Variants in KIRREL3 observed in about 807,000 individuals in gnomAD.
KIRREL3 encodes the protein kirre like nephrin family adhesion molecule 3, also known as kin of IRRE-like protein 3.
In KIRREL3, 36 loss-of-function variants were observed where a neutral mutation model predicts 89.7. The ratio of observed to expected loss-of-function variants is 0.40; its 90% CI spans 0.31 to 0.53. The LOEUF is 0.53. Among genes scored for constraint, KIRREL3 ranks in the 20% least tolerant of loss-of-function variants. The probability of loss-of-function intolerance (pLI) is 0.49; values close to 1 mark genes in which losing one functional copy is unlikely to be tolerated. For synonymous variants in KIRREL3, 445 were observed against 441.4 expected (o/e 1.01, Z -0.10); for missense variants, 864 against 1,056.6 (o/e 0.82, Z 2.53).
chr11:126,536,614 G>A (rs1436788142), intron 2 of KIRREL3, among the ~76,000 whole-genome samples: 3 of 148,684 alleles, frequency 2.0e-5, no homozygotes, highest in African/African-American at 7.5e-5. Flanking sequence ...CGGGGGTGCT[G>A]AGTATCCCCT....
chr11:126,590,212 A>T (rs963841705), intron 1 of KIRREL3, among the ~76,000 whole-genome samples: 1 of 152,168 alleles, frequency 6.6e-6, no homozygotes, highest in Non-Finnish European at 1.5e-5. Context: ...ACCCCCTTTC[A>T]AATTGATTTC....
chr11:126,923,761 A>G (rs1947577317), intron 1 of KIRREL3, among the ~76,000 whole-genome samples: 1 of 152,012 alleles, frequency 6.6e-6, no homozygotes, highest in African/African-American at 2.4e-5. Context: ...TTCTTACGTG[A>G]TGGTCTATCT....
At chr11:126,577,636 C>A (rs375927071) in intron 1 of KIRREL3, among the ~76,000 whole-genome samples, 2 of 149,094 alleles carry the variant, frequency 1.3e-5, no homozygotes, top group East Asian at 3.9e-4. Flanking sequence ...GTGGCAGGTG[C>A]CTGTAACCCC....
intron 1 of KIRREL3, among the ~76,000 whole-genome samples, chr11:126,725,444 C>T (rs1057072938): frequency 1.3e-5 from 2 of 152,216 alleles, no homozygotes; most frequent in African/African-American, 2.4e-5. Context: ...GTGCTAACAC[C>T]CGCATGGGCA....
chr11:126,775,395 G>A (rs1450754832), intron 1 of KIRREL3, among the ~76,000 whole-genome samples: 3 of 152,188 alleles, frequency 2.0e-5, no homozygotes, highest in Non-Finnish European at 4.4e-5. Context: ...TTTTGCGGAG[G>A]AGATGCAGGC....
chr11:126,660,116 C>T (rs942204695), intron 1 of KIRREL3, among the ~76,000 whole-genome samples: 7 of 152,174 alleles, frequency 4.6e-5, no homozygotes, highest in South Asian at 4.1e-4. Flanking sequence ...GGGCACCAGC[C>T]GATGCCAGGG....
chr11:126,735,016 CG>C (rs1257789630), intron 1 of KIRREL3, among the ~76,000 whole-genome samples: 1 of 152,134 alleles, frequency 6.6e-6, no homozygotes, highest in Non-Finnish European at 1.5e-5. Flanking sequence ...AGGCTCATAA[CG>C]GGGCGTTTAC....
intron 1 of KIRREL3, among the ~76,000 whole-genome samples, chr11:126,861,178 G>A (rs987346212): frequency 6.6e-6 from 1 of 152,128 alleles, no homozygotes; most frequent in Admixed American, 6.5e-5. Context: ...TGAAGGCTTG[G>A]TGTCATCATT....
At position 126,474,168 on chromosome 11, in the gene KIRREL3, C is replaced by T. The variant is rs1288928947; in HGVS notation, c.434-702G>A. ...TTCACCATGTTGGCCAGGCTGGTCT[C>T]GAACTCCTGACCTCAGGTAATCCAC... is the stretch of plus-strand genomic sequence containing the variant. On this transcript the variant is annotated intron_variant, in intron 4 of 16. Transcript: ENST00000525144. The surrounding 1 kb of genome is among the most constrained non-coding windows in gnomAD (Gnocchi z 6.7). Among the ~76,000 whole-genome samples, 1 of 151,862 alleles carries T rather than the reference C, an allele frequency of 6.6e-6. No homozygotes were observed. The highest frequency in any genetic ancestry group is 2.4e-5 in the African/African-American group (1 of 41,334).
In KIRREL3 at chr11:126,703,754, T is replaced by C. The variant is rs117760579; in HGVS notation, c.56-140842A>G. Among the ~76,000 whole-genome samples the C allele has an allele frequency of 0.016, 2,483 of 152,282 alleles. 41 individuals carry two copies. Among genetic ancestry groups the C allele is most frequent in the Non-Finnish European group, 0.022 (1,490 of 68,010 alleles). On this transcript the variant is annotated intron_variant, in intron 1 of 16. Coordinates refer to ENST00000525144, the MANE Select transcript of KIRREL3 (RefSeq NM_032531.4). The surrounding 1 kb of genome is among the most constrained non-coding windows in gnomAD (Gnocchi z 4.6). ...CAGTGTTTCCGTGCCAGAAACCCTG[T>C]CTCAGAGGGCAGGAAAGAGAATGGG...
rs1175115854 is a variant in KIRREL3, at chr11:126,521,999, C to A, written c.284-535G>T. On this transcript the variant is annotated intron_variant, in intron 3 of 16. Transcript: ENST00000525144. The surrounding 1 kb of genome is among the most constrained non-coding windows in gnomAD (Gnocchi z 4.1). The stretch of plus-strand genomic sequence containing the variant: ...ACTTAGGCGGTTCTCCCTCCTCAAC[C>A]TCCCAAAGTTCTGGGATTATAGGCA... 6.6e-6 allele frequency among the ~76,000 whole-genome samples: 1 copy of A among 152,124 alleles called. No homozygotes were observed. The highest frequency in any genetic ancestry group is 1.9e-4 in the East Asian group (1 of 5,180).
At position 126,729,404 on chromosome 11, in the gene KIRREL3, G is replaced by T. The variant is rs976163740; in HGVS notation, c.56-166492C>A. On this transcript the variant is annotated intron_variant, in intron 1 of 16. Coordinates refer to ENST00000525144, the MANE Select transcript of KIRREL3 (RefSeq NM_032531.4). This position sits in a 1 kb window ranked among gnomAD's most constrained non-coding sequence, Gnocchi z 4.5. ...AAGGTGTCACAAGGCTCATTTTAGG[G>T]ACATATTGCAGGAGAGACAGGAAAT... Among the ~76,000 whole-genome samples, 5 of 152,216 alleles carry T rather than the reference G, an allele frequency of 3.3e-5. No individual in the cohort carries two copies. The highest frequency in any genetic ancestry group is 7.3e-5 in the Non-Finnish European group (5 of 68,046).
intron 11 of KIRREL3, 69 bp downstream of exon 11, chr11:126,440,380 C>G (rs1056799413): frequency 5.7e-6 from 8 of 1,400,820 alleles, no homozygotes; most frequent in African/African-American, 4.3e-5. Flanking sequence ...GGCTGGCCAC[C>G]CAGGTATTGG....
chr11:126,695,483 A>C (rs1273784924), intron 1 of KIRREL3, among the ~76,000 whole-genome samples: 3 of 150,612 alleles, frequency 2.0e-5, no homozygotes, highest in Admixed American at 6.6e-5. Flanking sequence ...TAAAGTTGGC[A>C]TTAGTCCCTG....
chr11:126,683,809 T>A lies in KIRREL3; in HGVS notation c.56-120897A>T, dbSNP rs1946562592. The stretch of plus-strand genomic sequence containing the variant: ...TCCTCTCTCTTGGGATGCAAACTGC[T>A]TATGTGGTAGAAACAGGAAGCCGTC... On this transcript the variant is annotated intron_variant, in intron 1 of 16. Coordinates refer to ENST00000525144, the MANE Select transcript of KIRREL3 (RefSeq NM_032531.4). This position sits in a 1 kb window ranked among gnomAD's most constrained non-coding sequence, Gnocchi z 5.2. Among the ~76,000 whole-genome samples the A allele has an allele frequency of 6.6e-6, 1 of 152,168 alleles. No homozygotes were observed. Among genetic ancestry groups the A allele is most frequent in the South Asian group, 2.1e-4 (1 of 4,830 alleles).
At chr11:126,826,161 C>T (rs1428775129) in intron 1 of KIRREL3, among the ~76,000 whole-genome samples, 1 of 152,140 alleles carries the variant, frequency 6.6e-6, no homozygotes, top group Non-Finnish European at 1.5e-5. Context: ...TGTGAAACCT[C>T]TGTCTGTGTG....
In KIRREL3 at chr11:126,795,512, G is replaced by A. The variant is rs1249170493; in HGVS notation, c.55+204943C>T. Among the ~76,000 whole-genome samples the A allele has an allele frequency of 6.6e-6, 1 of 152,054 alleles. No individual in the cohort carries two copies. Among genetic ancestry groups the A allele is most frequent in the African/African-American group, 2.4e-5 (1 of 41,380 alleles). ...AGCCTCCTGAGCAGCTAGGACTACA[G>A]GCGTGTGCCACCACACCTGGCTAAT... On this transcript the variant is annotated intron_variant, in intron 1 of 16. Transcript: ENST00000525144. This position sits in a 1 kb window ranked among gnomAD's most constrained non-coding sequence, Gnocchi z 4.1.
intron 6 of KIRREL3, among the ~76,000 whole-genome samples, chr11:126,460,737 G>A (rs948992207): frequency 5.3e-5 from 8 of 152,190 alleles, no homozygotes; most frequent in African/African-American, 1.7e-4. Flanking sequence ...GCAGAAGGCC[G>A]GGTGGGCTGT....
intron 1 of KIRREL3, among the ~76,000 whole-genome samples, chr11:126,702,162 C>T (rs375275668): frequency 3.6e-4 from 54 of 152,108 alleles, no homozygotes; most frequent in Admixed American, 6.5e-4. Context: ...CATCTGTAAA[C>T]GGGAGCAAAT....
Sources: gnomAD v4.1 joint callset for allele counts (sites outside exome capture counted in the v4.1 genomes callset) on GRCh38, gnomAD v4.1.1 for gene constraint, Gnocchi (gnomAD v3.1) non-coding constraint, MANE v1.5 for transcripts, NCBI Gene and HGNC (gene_info 2026-07-23, HGNC 2026-07-21) for gene names.